Variants in ENTREP2 observed in about 807,000 individuals in gnomAD.
The protein encoded by ENTREP2 is protein ENTREP2.
At chr15:29,577,889 A>G in the ENTREP2 span, among the ~76,000 whole-genome samples, 44 of 152,266 alleles carry the variant, frequency 2.9e-4, no homozygotes, top group Admixed American at 2.9e-3. Flanking sequence ...TCAAATTCAT[A>G]ATGACAGAAA....
At chr15:29,403,178 T>C in the ENTREP2 span, among the ~76,000 whole-genome samples, 2 of 152,140 alleles carry the variant, frequency 1.3e-5, no homozygotes, top group African/African-American at 4.8e-5. Context: ...CAGGTGGCCA[T>C]GTACACTTCT....
At chr15:29,444,183 AAAG>A in the ENTREP2 span, among the ~76,000 whole-genome samples, 14 of 70,504 alleles carry the variant, frequency 2.0e-4, no homozygotes, top group East Asian at 8.0e-4. Context: ...AGAAAGAAAG[AAAG>A]AAAGAAAGAA....
chr15:29,319,383 G>A, the ENTREP2 span, among the ~76,000 whole-genome samples: 3 of 152,214 alleles, frequency 2.0e-5, no homozygotes, highest in African/African-American at 7.2e-5. Context: ...TGCAGGCTGA[G>A]TGAACAGAGG....
chr15:29,597,677 A>G, the ENTREP2 span, among the ~76,000 whole-genome samples: 1 of 152,002 alleles, frequency 6.6e-6, no homozygotes, highest in Non-Finnish European at 1.5e-5. Context: ...TCATCCATTC[A>G]CCTATTGAAG....
the ENTREP2 span, among the ~76,000 whole-genome samples, chr15:29,152,922 T>G: frequency 6.6e-6 from 1 of 152,198 alleles, no homozygotes; most frequent in Non-Finnish European, 1.5e-5. Context: ...TATGAGTGAT[T>G]GGGTTTCTCT....
At chr15:29,311,363 T>G in the ENTREP2 span, among the ~76,000 whole-genome samples, 1 of 152,186 alleles carries the variant, frequency 6.6e-6, no homozygotes, top group African/African-American at 2.4e-5. Context: ...CTTAAATAAT[T>G]TATGAGAGAC....
chr15:29,538,808 C>CA, the ENTREP2 span, among the ~76,000 whole-genome samples: 49,218 of 146,048 alleles, frequency 0.34, 8,289 homozygotes, highest in East Asian at 0.42. Flanking sequence ...GACTCTATCT[C>CA]AAAAAAAAAA....
chr15:29,520,239 T>C, the ENTREP2 span, among the ~76,000 whole-genome samples: 1 of 152,266 alleles, frequency 6.6e-6, no homozygotes, highest in South Asian at 2.1e-4. Context: ...ACCTACAAAT[T>C]GAAGAATAGT....
the ENTREP2 span, among the ~76,000 whole-genome samples, chr15:29,480,453 CG>C: frequency 6.6e-6 from 1 of 151,114 alleles, no homozygotes; most frequent in Admixed American, 6.6e-5. Flanking sequence ...CAGTGGGCAG[CG>C]TTCTTTGTTC....
chr15:29,233,698 A>G, the ENTREP2 span: 65 of 1,219,910 alleles, frequency 5.3e-5, no homozygotes, highest in Non-Finnish European at 6.9e-5. Flanking sequence ...TGTTGCACGC[A>G]CTCTGTTGCT....
At chr15:29,286,954 C>T in the ENTREP2 span, among the ~76,000 whole-genome samples, 1 of 152,142 alleles carries the variant, frequency 6.6e-6, no homozygotes, top group Admixed American at 6.5e-5. Flanking sequence ...AATCTTGAAA[C>T]AATTCGGGCC....
chr15:29,495,356 A>C, the ENTREP2 span, among the ~76,000 whole-genome samples: 1 of 152,088 alleles, frequency 6.6e-6, no homozygotes, highest in African/African-American at 2.4e-5. Flanking sequence ...TTGCCTTTAC[A>C]TTTCATTGTT....
the ENTREP2 span, among the ~76,000 whole-genome samples, chr15:29,494,429 A>G: frequency 2.6e-5 from 4 of 152,216 alleles, no homozygotes; most frequent in African/African-American, 7.2e-5. Context: ...GGTGAACAAC[A>G]TAAGTTGATA....
the ENTREP2 span, among the ~76,000 whole-genome samples, chr15:29,574,588 C>CAAT: frequency 6.6e-6 from 1 of 152,174 alleles, no homozygotes; most frequent in Non-Finnish European, 1.5e-5. Flanking sequence ...CCACCACACC[C>CAAT]GGCCAAGACC....
the ENTREP2 span, among the ~76,000 whole-genome samples, chr15:29,474,354 C>T: frequency 1.3e-5 from 2 of 152,094 alleles, no homozygotes; most frequent in Non-Finnish European, 2.9e-5. Context: ...TGGGTAGGGG[C>T]CCTGAGATGA....
chr15:29,457,942 C>T, the ENTREP2 span, among the ~76,000 whole-genome samples: 6 of 152,098 alleles, frequency 3.9e-5, no homozygotes, highest in African/African-American at 1.2e-4. Flanking sequence ...CTGTCTCAGC[C>T]CACAGAGCCC....
At chr15:29,545,511 TG>T in the ENTREP2 span, among the ~76,000 whole-genome samples, 1 of 152,232 alleles carries the variant, frequency 6.6e-6, no homozygotes, top group Non-Finnish European at 1.5e-5. Flanking sequence ...GTGGGATAAA[TG>T]TAGCTGCCAC....
the ENTREP2 span, among the ~76,000 whole-genome samples, chr15:29,205,565 C>T: frequency 6.6e-6 from 1 of 152,262 alleles, no homozygotes; most frequent in South Asian, 2.1e-4. Context: ...ATTTCCCTAA[C>T]CATTAGTGAT....
the ENTREP2 span, among the ~76,000 whole-genome samples, chr15:29,669,469 A>G: frequency 2.6e-5 from 4 of 152,206 alleles, no homozygotes; most frequent in Admixed American, 6.5e-5. Flanking sequence ...AGATGCAGCC[A>G]TTCAACCTTG....
Sources: allele counts gnomAD v4.1 joint callset (sites outside exome capture counted in the v4.1 genomes callset), GRCh38; gene constraint gnomAD v4.1.1; transcripts MANE v1.5; gene names NCBI Gene and HGNC (gene_info 2026-07-23, HGNC 2026-07-21).